Variants in ZFYVE9 observed in about 807,000 individuals in gnomAD.
ZFYVE9 encodes zinc finger FYVE-type containing 9, also known as zinc finger FYVE domain-containing protein 9.
Under a neutral mutation model 126.7 loss-of-function variants are expected in ZFYVE9, and 43 were observed. That is an observed-to-expected ratio of 0.34 (90% CI 0.27 to 0.44). The LOEUF (loss-of-function observed/expected upper bound fraction) is 0.44. Ranked by LOEUF, ZFYVE9 falls within the 20% of genes least tolerant of loss-of-function variation. The pLI is 1.00. For synonymous variants in ZFYVE9, 521 were observed against 597.4 expected (o/e 0.87, Z 1.87); for missense variants, 1,476 against 1,697.0 (o/e 0.87, Z 2.29).
In ZFYVE9 at chr1:52,239,416, G is replaced by C; in HGVS notation, c.1999G>C (p.Asp667His). 1 of 1,614,134 alleles carries C rather than the reference G, an allele frequency of 6.2e-7. No individual in the cohort carries two copies. The highest frequency in any genetic ancestry group is 1.1e-5 in the South Asian group (1 of 91,086). The change falls in exon 4 of 19, where the codon GAT becomes CAT. Residue 667 changes from aspartate (D) to histidine (H), a missense_variant. Asp to His is a moderately conservative substitution (Grantham distance 81). Transcript: ENST00000287727. ...TAGACCATGCCTTGCATTAGCTCCA[G>C]ATAGCCCAGATAATGATCTCAGAGC... ...STRPCLALAP[D>H]SPDNDLRAGQ...
At chr1:52,211,114 A>T (rs928481774) in intron 1 of ZFYVE9, among the ~76,000 whole-genome samples, 3 of 152,190 alleles carry the variant, frequency 2.0e-5, no homozygotes, top group Non-Finnish European at 4.4e-5. Context: ...ACTGGGTTCC[A>T]AGAGTGAGTG....
At chr1:52,335,704 A>G (rs1646382183) in intron 15 of ZFYVE9, among the ~76,000 whole-genome samples, 1 of 152,200 alleles carries the variant, frequency 6.6e-6, no homozygotes, top group Non-Finnish European at 1.5e-5. Flanking sequence ...CTTCACTTCT[A>G]CATGGGAGAA....
chr1:52,299,263 T>C (rs1321963047), intron 12 of ZFYVE9, among the ~76,000 whole-genome samples: 1 of 152,238 alleles, frequency 6.6e-6, no homozygotes, highest in Non-Finnish European at 1.5e-5. Flanking sequence ...TACATGCTGA[T>C]TTTGTATCCT....
intron 1 of ZFYVE9, among the ~76,000 whole-genome samples, chr1:52,180,996 AG>A (rs1377860624): frequency 1.3e-5 from 2 of 149,788 alleles, no homozygotes; most frequent in Non-Finnish European, 3.0e-5. Context: ...AAAAAAAAAA[AG>A]GTAGAAATAA....
intron 1 of ZFYVE9, among the ~76,000 whole-genome samples, chr1:52,168,933 A>T (rs991909799): frequency 2.0e-5 from 3 of 151,304 alleles, no homozygotes; most frequent in African/African-American, 7.3e-5. Context: ...CCCTAATCTG[A>T]CCCCCCTGGA....
chr1:52,256,995 C>G (rs1256047074), intron 4 of ZFYVE9, among the ~76,000 whole-genome samples: 1 of 152,052 alleles, frequency 6.6e-6, no homozygotes, highest in Non-Finnish European at 1.5e-5. Context: ...TTTGCATTTT[C>G]TAATTTGGAA....
At chr1:52,297,791 C>T (rs1021583703) in intron 12 of ZFYVE9, among the ~76,000 whole-genome samples, 1 of 151,658 alleles carries the variant, frequency 6.6e-6, no homozygotes, top group Non-Finnish European at 1.5e-5. Context: ...GGCACGATCT[C>T]GGCTCACTGC....
chr1:52,320,162 C>T (rs1430866262), intron 13 of ZFYVE9, among the ~76,000 whole-genome samples: 1 of 151,994 alleles, frequency 6.6e-6, no homozygotes, highest in African/African-American at 2.4e-5. Context: ...CCTCCGCATC[C>T]TGGGTTCAAG....
intron 4 of ZFYVE9, among the ~76,000 whole-genome samples, chr1:52,239,934 TTG>T (rs1645317008): frequency 6.6e-6 from 1 of 152,238 alleles, no homozygotes; most frequent in Non-Finnish European, 1.5e-5. Context: ...TAGGAAATAT[TTG>T]TCATTAACTT....
intron 1 of ZFYVE9, among the ~76,000 whole-genome samples, chr1:52,193,393 CAAAAAAAA>C (rs397863555): frequency 1.0e-5 from 1 of 95,832 alleles, no homozygotes; most frequent in African/African-American, 3.8e-5. Context: ...TTGTCAGTAT[CAAAAAAAA>C]AAAAAAAAAA....
chr1:52,298,527 A>G (rs988098048), intron 12 of ZFYVE9, among the ~76,000 whole-genome samples: 2 of 152,242 alleles, frequency 1.3e-5, no homozygotes, highest in Non-Finnish European at 2.9e-5. Context: ...GGCCACTACT[A>G]TGCTGTTTTG....
At chr1:52,163,380 A>G (rs1165900894) in intron 1 of ZFYVE9, among the ~76,000 whole-genome samples, 3 of 152,256 alleles carry the variant, frequency 2.0e-5, no homozygotes, top group South Asian at 2.1e-4. Flanking sequence ...TCGAGGGCCA[A>G]TGGCCTAATC....
chr1:52,281,455 A>G (rs1409995071), intron 9 of ZFYVE9, among the ~76,000 whole-genome samples: 2 of 152,192 alleles, frequency 1.3e-5, no homozygotes, highest in African/African-American at 4.8e-5. Context: ...CCAAGTGTTT[A>G]GAAAAGAGCC....
chr1:52,318,352 T>A (rs1047919760), intron 13 of ZFYVE9, among the ~76,000 whole-genome samples: 3 of 143,476 alleles, frequency 2.1e-5, no homozygotes, highest in African/African-American at 7.8e-5. Context: ...CATTCAAGAT[T>A]AGAGAGAGCA....
intron 17 of ZFYVE9, among the ~76,000 whole-genome samples, chr1:52,343,915 T>TA (rs1351565360): frequency 1.3e-5 from 2 of 151,808 alleles, no homozygotes; most frequent in Non-Finnish European, 2.9e-5. Context: ...CTACTAAAAA[T>TA]ACAAAAATTA....
chr1:52,161,697 A>C (rs879166716), intron 1 of ZFYVE9, among the ~76,000 whole-genome samples: 1 of 152,206 alleles, frequency 6.6e-6, no homozygotes, highest in Admixed American at 6.5e-5. Flanking sequence ...CATTCTTCAA[A>C]AGAAATGTCC....
intron 6 of ZFYVE9, among the ~76,000 whole-genome samples, 191 bp downstream of exon 6, chr1:52,267,022 TGC>T (rs1313512024): frequency 6.6e-6 from 1 of 152,210 alleles, no homozygotes; most frequent in Non-Finnish European, 1.5e-5. Flanking sequence ...ATATTTGTGT[TGC>T]TTGGTATTTT....
At chr1:52,173,900 T>G (rs1189609180) in intron 1 of ZFYVE9, among the ~76,000 whole-genome samples, 1 of 152,192 alleles carries the variant, frequency 6.6e-6, no homozygotes, top group Admixed American at 6.5e-5. Flanking sequence ...TCTTTTTTTC[T>G]TTGTTAGTCT....
rs934772419 is a variant in ZFYVE9 at position 52,175,010 on chromosome 1, A to G, written c.-143+32607A>G. On this transcript the variant is annotated intron_variant, in intron 1 of 18. Transcript: ENST00000287727. ...GAGCGTTTAGTCCATTTACATTGAA[A>G]GTTAATATTGTTATGTGTGAATTTG... Among the ~76,000 whole-genome samples, 1,506 of 152,252 alleles carry G rather than the reference A, an allele frequency of 9.9e-3. 37 individuals are homozygous for G. The highest frequency in any genetic ancestry group is 0.035 in the African/African-American group (1,454 of 41,532).
Sources: gnomAD v4.1 joint callset for allele counts (sites outside exome capture counted in the v4.1 genomes callset) on GRCh38, gnomAD v4.1.1 for gene constraint, MANE v1.5 for transcripts, NCBI Gene and HGNC (gene_info 2026-07-23, HGNC 2026-07-21) for gene names.